Variants in VWA5A observed in about 807,000 individuals in gnomAD.
VWA5A encodes the protein von Willebrand factor A domain containing 5A.
A neutral mutation model predicts 84.6 loss-of-function variants in VWA5A; 77 were observed. That is an observed-to-expected ratio of 0.91 (90% confidence interval 0.76 to 1.10). The LOEUF (loss-of-function observed/expected upper bound fraction) is 1.10, where lower values mean the gene tolerates loss of function less well. VWA5A is among the 50% of genes least tolerant of loss of function. The pLI is 0.00. For synonymous variants in VWA5A, 334 were observed against 350.1 expected, an observed-to-expected ratio of 0.95 and a Z score of 0.51; for missense variants, 973 against 963.0, an observed-to-expected ratio of 1.01 and a Z score of -0.14.
At chr11:124,140,692 C>T (rs1860709503) in intron 15 of VWA5A, among the ~76,000 whole-genome samples, 1 of 152,090 alleles carries the variant, frequency 6.6e-6, no homozygotes, top group South Asian at 2.1e-4. Context: ...TGGTCTCAAA[C>T]TTCTGGCCTT....
intron 11 of VWA5A, among the ~76,000 whole-genome samples, chr11:124,133,153 C>T (rs961270432): frequency 3.9e-5 from 6 of 152,106 alleles, no homozygotes; most frequent in African/African-American, 9.7e-5. Context: ...TCTGAATGGT[C>T]GCTGGATAGA....
chr11:124,124,456 T>C, intron 11 of VWA5A, 140 bp downstream of exon 11: 2 of 1,403,102 alleles, frequency 1.4e-6, no homozygotes, highest in Non-Finnish European at 1.9e-6. Flanking sequence ...GAAAATTTAT[T>C]TCTCCCTGTA....
chr11:124,141,465 G>C, intron 15 of VWA5A, 133 bp from the exon 16 acceptor site: 1 of 1,157,816 alleles, frequency 8.6e-7, no homozygotes, highest in East Asian at 2.5e-5. Context: ...GGGCATATGA[G>C]AGAAAAATAG....
At chr11:124,129,490 T>C (rs1478956434) in intron 11 of VWA5A, among the ~76,000 whole-genome samples, 2 of 152,212 alleles carry the variant, frequency 1.3e-5, no homozygotes, top group Admixed American at 1.3e-4. Context: ...GATGCTGGCT[T>C]CATAAAATGA....
At chr11:124,136,374 A>G in intron 13 of VWA5A, 81 bp downstream of exon 13, 2 of 1,550,558 alleles carry the variant, frequency 1.3e-6, no homozygotes, top group South Asian at 1.2e-5. Flanking sequence ...GTGGATTTCA[A>G]TCTCAGCCAG....
rs1401255791 is a variant in VWA5A at position 124,117,721 on chromosome 11, C to T, written c.92C>T (p.Ala31Val). ...AGCGTGAACATTTACGAGTTTGTGG[C>T]TGGTGTGTCTGCAACTTTGAACTAC... ...SVSVNIYEFV[A>V]GVSATLNYEN... The change falls in exon 4 of 19, where the codon GCT becomes GTT. Residue 31 changes from alanine (A) to valine (V), a missense_variant. Coordinates refer to ENST00000456829, the MANE Select transcript of VWA5A (RefSeq NM_001130142.2). The T allele has an allele frequency of 1.9e-6, 3 of 1,614,058 alleles. No homozygotes were observed. The highest frequency in any genetic ancestry group is 2.5e-6 in the Non-Finnish European group (3 of 1,180,044).
Position 124,135,049 on chromosome 11 carries a change from G to A in VWA5A, c.1359+15G>A, listed in dbSNP as rs1214027499. The A allele has an allele frequency of 1.9e-6, 3 of 1,605,024 alleles. No homozygotes were observed. Among genetic ancestry groups the A allele is most frequent in the Non-Finnish European group, 1.7e-6 (2 of 1,174,636 alleles). Reference sequence around the variant, plus strand: ...TGCAGTCCAAGGTGAGGGACAGACTGACTGTGTCTGTCTGGAGGTGGCAAT... The same window carrying A: ...TGCAGTCCAAGGTGAGGGACAGACTAACTGTGTCTGTCTGGAGGTGGCAAT... On this transcript the variant is annotated intron_variant, in intron 12 of 18. Transcript: ENST00000456829.
In VWA5A at chr11:124,118,268, T is replaced by C. The variant is rs369887912; in HGVS notation, c.326T>C (p.Val109Ala). The part of the protein sequence containing the change: ...LLEGDSSSRD[V>A]FSCNVGNLQP... Reference sequence around the variant, plus strand: ...GAGGGGGACAGCAGCTCCAGGGATGTCTTCTCTTGCAATGTGGGTAACCTC... The same window carrying C: ...GAGGGGGACAGCAGCTCCAGGGATGCCTTCTCTTGCAATGTGGGTAACCTC... The change falls in exon 5 of 19, where the codon GTC (valine) becomes GCC (alanine). Residue 109 changes from valine (V) to alanine (A), a missense_variant. Val to Ala is a moderately conservative substitution (Grantham distance 64). Coordinates refer to ENST00000456829, the MANE Select transcript of VWA5A (RefSeq NM_001130142.2). 1.5e-5 allele frequency: 24 copies of C among 1,614,058 alleles called. No individual in the cohort carries two copies. Among genetic ancestry groups the C allele is most frequent in the Admixed American group, 3.3e-5 (2 of 60,006 alleles).
At position 124,116,010 on chromosome 11, in the gene VWA5A, TCTC is replaced by T. The variant is rs1326611594; in HGVS notation, c.-131+534_-131+536del. On this transcript the variant is annotated intron_variant, in intron 1 of 18. Transcript: ENST00000456829. ...TCCAAGCCCCACTTCTTACCCCAAA[TCTC>T]CTCCTTGTCTGGTTCCGAGTTCTCC... is the stretch of plus-strand genomic sequence containing the variant. 5 of 152,184 alleles carry T rather than the reference TCTC, an allele frequency of 3.3e-5. No individual in the cohort carries two copies. In the East Asian group the frequency reaches 7.8e-4, roughly 24 times the overall value. 9.4% of individuals were successfully genotyped at this position (152,184 alleles called of 1,614,324 possible). A position where few individuals can be genotyped will look rare whatever the true frequency, so the allele number is the denominator to read the frequency against.
intron 11 of VWA5A, among the ~76,000 whole-genome samples, chr11:124,127,119 A>G (rs1865029548): frequency 6.6e-6 from 1 of 152,146 alleles, no homozygotes; most frequent in Non-Finnish European, 1.5e-5. Context: ...TGCTGCACCC[A>G]TCAACCCATC....
In VWA5A at chr11:124,123,741, T is replaced by C; in HGVS notation, c.1101T>C (p.Thr367=). 1 of 1,610,716 alleles carries C rather than the reference T, an allele frequency of 6.2e-7. No homozygotes were observed. Among genetic ancestry groups the C allele is most frequent in the Non-Finnish European group, 8.5e-7 (1 of 1,178,800 alleles). The part of the protein sequence containing the change: ...VKLMQADLGG[T]EILAPLQNIY... ...TTATGCAGGCCGACCTAGGGGGCAC[T>C]GAAATCTTGGCACCACTCCAGAACA... is the stretch of plus-strand genomic sequence containing the variant. The change falls in exon 10 of 19, where the codon ACT becomes ACC. Residue 367 remains threonine (T), a synonymous_variant. Coordinates refer to ENST00000456829, the MANE Select transcript of VWA5A (RefSeq NM_001130142.2).
At chr11:124,143,813 A>G (rs926817703) in intron 17 of VWA5A, among the ~76,000 whole-genome samples, 6 of 152,334 alleles carry the variant, frequency 3.9e-5, no homozygotes, top group Middle Eastern at 3.4e-3. Flanking sequence ...CACTGGGAAC[A>G]AAAAACTTCA....
At chr11:124,134,403 T>A (rs1865142701) in intron 11 of VWA5A, among the ~76,000 whole-genome samples, 1 of 152,252 alleles carries the variant, frequency 6.6e-6, no homozygotes, top group Non-Finnish European at 1.5e-5. Context: ...AATCGCATTA[T>A]GTTTAAGAAG....
Position 124,123,007 on chromosome 11 carries a change from A to G in VWA5A, c.808A>G (p.Ile270Val). The change falls in exon 8 of 19, where the codon ATC (isoleucine) becomes GTC (valine). Residue 270 changes from isoleucine (I) to valine (V), a missense_variant. Transcript: ENST00000456829. Reference sequence around the variant, plus strand: ...TGCAATGGTGAGTTTCTATCCAAATATCCCAGAAGATCAACCATCAAATAC... The same window carrying G: ...TGCAATGGTGAGTTTCTATCCAAATGTCCCAGAAGATCAACCATCAAATAC... ...PSAMVSFYPNIPEDQPSNTCG... is the reference protein window; with the variant it reads ...PSAMVSFYPNVPEDQPSNTCG... 1.9e-6 allele frequency: 3 copies of G among 1,614,174 alleles called. No individual in the cohort carries two copies. Among genetic ancestry groups the G allele is most frequent in the East Asian group, 4.5e-5 (2 of 44,886 alleles).
intron 11 of VWA5A, among the ~76,000 whole-genome samples, chr11:124,125,399 C>A (rs893232505): frequency 2.0e-5 from 3 of 152,060 alleles, no homozygotes; most frequent in African/African-American, 7.3e-5. Context: ...TCTCCCGCCT[C>A]AGCCTCCCAA....
In VWA5A at chr11:124,118,619, A is replaced by G. The variant is rs566472784; in HGVS notation, c.556A>G (p.Ile186Val). 1.9e-6 allele frequency: 3 copies of G among 1,614,166 alleles called. No individual in the cohort carries two copies. Among genetic ancestry groups the G allele is most frequent in the African/African-American group, 1.3e-5 (1 of 75,056 alleles). ...CTACACACTCAGCATGGTCGCCACC[A>G]TAGATTCCCAGCATGGCATTGAGAA... ...LPYTLSMVAT[I>V]DSQHGIEKVQ... The change falls in exon 6 of 19, where the codon ATA becomes GTA. Residue 186 changes from isoleucine to valine, a missense_variant. Coordinates refer to ENST00000456829, the MANE Select transcript of VWA5A (RefSeq NM_001130142.2).
At chr11:124,115,820 T>C (rs1864818882) in intron 1 of VWA5A, 1 of 152,202 alleles carries the variant, frequency 6.6e-6, no homozygotes, top group East Asian at 1.9e-4. Context: ...TTCAGGATAG[T>C]GTAAGCTGAG....
intron 11 of VWA5A, chr11:124,124,545 A>G (rs1448418075): frequency 7.9e-7 from 1 of 1,272,222 alleles, no homozygotes. Flanking sequence ...ACTACAACGA[A>G]CACAAGAATT....
At chr11:124,125,946 T>C (rs1865012858) in intron 11 of VWA5A, among the ~76,000 whole-genome samples, 1 of 152,238 alleles carries the variant, frequency 6.6e-6, no homozygotes, top group Non-Finnish European at 1.5e-5. Context: ...TTCGTATTTT[T>C]GTAATGTGGA....
Sources: gnomAD v4.1 joint callset for allele counts (sites outside exome capture counted in the v4.1 genomes callset) on GRCh38, gnomAD v4.1.1 for gene constraint, MANE v1.5 for transcripts, NCBI Gene and HGNC (gene_info 2026-07-23, HGNC 2026-07-21) for gene names.